Variants in DFFB observed in about 807,000 individuals in gnomAD.
DFFB encodes the protein DNA fragmentation factor 40 kDa subunit.
Under a neutral mutation model 32.7 loss-of-function variants are expected in DFFB, and 29 were observed. That is an observed-to-expected ratio of 0.89 (90% CI 0.66 to 1.21). The LOEUF (loss-of-function observed/expected upper bound fraction) is 1.21, where lower values mean the gene tolerates loss of function less well. DFFB is among the 50% of genes most tolerant of loss of function. The probability of loss-of-function intolerance (pLI) is 0.00; values close to 1 mark genes in which losing one functional copy is unlikely to be tolerated. For missense variants in DFFB, 398 were observed against 440.6 expected (o/e 0.90, Z 0.87); for synonymous variants, 170 against 177.1 (o/e 0.96, Z 0.32).
intron 2 of DFFB, 59 bp downstream of exon 2, chr1:3,858,903 G>C (rs1435984299): frequency 6.3e-7 from 1 of 1,593,860 alleles, no homozygotes; most frequent in African/African-American, 1.3e-5. Flanking sequence ...GGTCCTGGGG[G>C]CTTAGCTCCA....
At chr1:3,867,918 C>T in intron 3 of DFFB, 56 bp from the exon 4 acceptor site, 2 of 1,553,670 alleles carry the variant, frequency 1.3e-6, no homozygotes, top group Non-Finnish European at 1.8e-6. Flanking sequence ...AGGACACAGA[C>T]CCAGAGGCCC....
chr1:3,859,515 G>A (rs1283444123), intron 2 of DFFB, among the ~76,000 whole-genome samples: 3 of 152,196 alleles, frequency 2.0e-5, no homozygotes, highest in Non-Finnish European at 2.9e-5. Flanking sequence ...TGCAAATGGG[G>A]TCAGGCTCCA....
At chr1:3,857,747 GT>G in intron 1 of DFFB, 30 bp downstream of exon 1, 1 of 1,422,062 alleles carries the variant, frequency 7.0e-7, no homozygotes, top group Non-Finnish European at 9.4e-7. Flanking sequence ...GGGACGGCCC[GT>G]CGGGGAGGCG....
At chr1:3,882,333 C>T (rs1422002867) in intron 6 of DFFB, among the ~76,000 whole-genome samples, 2 of 151,784 alleles carry the variant, frequency 1.3e-5, no homozygotes, top group South Asian at 2.1e-4. Flanking sequence ...GAATTACAGA[C>T]GTGAGCCACC....
intron 3 of DFFB, among the ~76,000 whole-genome samples, chr1:3,867,478 C>G (rs1236199711): frequency 2.0e-5 from 3 of 152,218 alleles, no homozygotes; most frequent in African/African-American, 4.8e-5. Context: ...GGCAGAAGCT[C>G]CTTGGTGGTA....
chr1:3,872,646 C>CGCGGCCCTGTCCCTGCA, intron 6 of DFFB, 74 bp downstream of exon 6: 2 of 1,353,814 alleles, frequency 1.5e-6, no homozygotes, highest in Non-Finnish European at 2.1e-6. Context: ...CTGTCCCTGC[C>CGCGGCCCTGTCCCTGCA]ATGGCCCTGT....
intron 4 of DFFB, 109 bp downstream of exon 4, chr1:3,868,162 G>C: frequency 1.0e-6 from 1 of 973,514 alleles, no homozygotes. Context: ...ACCACACTCC[G>C]TGCTTGCGTG....
rs142489890 is a variant in DFFB at position 3,865,554 on chromosome 1, C to G, written c.242-258C>G. On this transcript the variant is annotated intron_variant, in intron 2 of 6. Transcript: ENST00000378209. The surrounding 1 kb of genome is among the most constrained non-coding windows in gnomAD (Gnocchi z 4.7). ...GGAGGAGGCCAAATGGGAAAGCGGC[C>G]GTCTCTTGGTGCGCTTTCATCTGTC... is the stretch of plus-strand genomic sequence containing the variant. 1,904 of 597,404 alleles carry G rather than the reference C, an allele frequency of 3.2e-3. 5 individuals carry two copies. The highest frequency in any genetic ancestry group is 4.8e-3 in the Non-Finnish European group (1,605 of 331,934). The allele number at this position is 597,404 out of a possible 1,614,324, so 37.0% of individuals were successfully genotyped here.
At chr1:3,862,011 T>C (rs948125796) in intron 2 of DFFB, among the ~76,000 whole-genome samples, 1 of 152,220 alleles carries the variant, frequency 6.6e-6, no homozygotes, top group East Asian at 1.9e-4. Context: ...TGATTAGAAC[T>C]AATCATCAAG....
At position 3,858,808 on chromosome 1, in the gene DFFB, C is replaced by G. The variant is rs1438618481; in HGVS notation, c.205C>G (p.Leu69Val). 25 of 1,614,002 alleles carry G rather than the reference C, an allele frequency of 1.5e-5. No individual in the cohort carries two copies. Among genetic ancestry groups the G allele is most frequent in the Admixed American group, 5.0e-5 (3 of 60,006 alleles). The stretch of plus-strand genomic sequence containing the variant: ...CCCCAGTGTTCCCGACAACGCCGAG[C>G]TGGTGCTGCTCACCTTGGGCCAGGC... ...YFPSVPDNAE[L>V]VLLTLGQAWQ... Residue 69 changes from leucine (L) to valine (V), a missense_variant, in exon 2 of 7, where the codon CTG (leucine) becomes GTG (valine). Physicochemically the swap from Leu to Val is conservative, Grantham distance 32 (BLOSUM62 1). Coordinates refer to ENST00000378209, the MANE Select transcript of DFFB (RefSeq NM_004402.4).
chr1:3,874,147 CGT>C (rs558099228), intron 6 of DFFB, among the ~76,000 whole-genome samples: 282 of 151,346 alleles, frequency 1.9e-3, no homozygotes, highest in Middle Eastern at 0.014. Flanking sequence ...TTACCACACG[CGT>C]GTGAGTTTAA....
intron 3 of DFFB, chr1:3,867,747 G>A (rs942311134): frequency 1.9e-6 from 1 of 523,742 alleles, no homozygotes; most frequent in African/African-American, 1.9e-5. Context: ...TAGCCACTTG[G>A]AAGTCTGAGG....
chr1:3,877,583 G>A (rs1274562610), intron 6 of DFFB, among the ~76,000 whole-genome samples: 1 of 152,170 alleles, frequency 6.6e-6, no homozygotes, highest in East Asian at 1.9e-4. Context: ...ACCCGCCTCA[G>A]CCTCCCAAAG....
chr1:3,859,927 G>T (rs1644846552), intron 2 of DFFB, among the ~76,000 whole-genome samples: 1 of 152,036 alleles, frequency 6.6e-6, no homozygotes, highest in Admixed American at 6.6e-5. Flanking sequence ...GTCTCTCCCT[G>T]CATCTCGCAG....
intron 2 of DFFB, among the ~76,000 whole-genome samples, chr1:3,860,990 A>T (rs1201182387): frequency 6.6e-6 from 1 of 152,112 alleles, no homozygotes; most frequent in Non-Finnish European, 1.5e-5. Flanking sequence ...CCCCGTCTCT[A>T]CTAAAAATAC....
At chr1:3,882,492 G>A (rs1557731568) in intron 6 of DFFB, among the ~76,000 whole-genome samples, 2 of 151,972 alleles carry the variant, frequency 1.3e-5, no homozygotes, top group Non-Finnish European at 2.9e-5. Flanking sequence ...AGCCTCCTGG[G>A]CAGCTGGGAT....
Position 3,865,227 on chromosome 1 carries a change from T to G in DFFB, c.242-585T>G, listed in dbSNP as rs888005426. Among the ~76,000 whole-genome samples, 1 of 152,222 alleles carries G rather than the reference T, an allele frequency of 6.6e-6. No individual in the cohort carries two copies. The highest frequency in any genetic ancestry group is 1.5e-5 in the Non-Finnish European group (1 of 68,046). On this transcript the variant is annotated intron_variant, in intron 2 of 6. Coordinates refer to ENST00000378209, the MANE Select transcript of DFFB (RefSeq NM_004402.4). This position sits in a 1 kb window ranked among gnomAD's most constrained non-coding sequence, Gnocchi z 4.7. Reference sequence around the variant, plus strand: ...CCTGTCTTCTTCTGACCCACTGATGTGATCGTGAGGCTTTTCTCATATGGT... The same window carrying G: ...CCTGTCTTCTTCTGACCCACTGATGGGATCGTGAGGCTTTTCTCATATGGT...
At chr1:3,862,320 A>G (rs6670437) in intron 2 of DFFB, among the ~76,000 whole-genome samples, 30,456 of 152,130 alleles carry the variant, frequency 0.2, 3,404 homozygotes, top group Non-Finnish European at 0.24. Context: ...CACAATCCCT[A>G]TGAAAATTCC....
chr1:3,859,630 A>G (rs1644840363), intron 2 of DFFB, among the ~76,000 whole-genome samples: 2 of 152,186 alleles, frequency 1.3e-5, no homozygotes, highest in Admixed American at 6.5e-5. Context: ...AGTAACATCC[A>G]TGTGGCCACC....
Sources: allele counts gnomAD v4.1 joint callset (sites outside exome capture counted in the v4.1 genomes callset), GRCh38; gene constraint gnomAD v4.1.1; non-coding constraint Gnocchi (gnomAD v3.1); transcripts MANE v1.5; gene names NCBI Gene and HGNC (gene_info 2026-07-23, HGNC 2026-07-21).